The following PTPRD variants were observed in gnomAD, a reference collection of about 807,000 sequenced individuals.
PTPRD encodes receptor-type tyrosine-protein phosphatase delta.
Under a neutral mutation model 214.5 loss-of-function variants are expected in PTPRD, and 34 were observed. The ratio of observed to expected loss-of-function variants is 0.16; its 90% CI spans 0.12 to 0.21. PTPRD has a LOEUF of 0.21. Ranked by LOEUF, PTPRD falls within the 10% of genes least tolerant of loss-of-function variation. The pLI is 1.00. For synonymous variants in PTPRD, 1,128 were observed against 845.7 expected, an observed-to-expected ratio of 1.33 and a Z score of -5.79; for missense variants, 2,545 against 2,398.7, an observed-to-expected ratio of 1.06 and a Z score of -1.27.
intron 8 of PTPRD, among the ~76,000 whole-genome samples, chr9:9,526,583 A>T (rs2074175483): frequency 6.6e-6 from 1 of 152,216 alleles, no homozygotes; most frequent in African/African-American, 2.4e-5. Flanking sequence ...GTTATCAGAA[A>T]TGTGTAAGCA....
intron 10 of PTPRD, among the ~76,000 whole-genome samples, chr9:9,119,085 T>A (rs76162289): frequency 0.031 from 4,768 of 152,226 alleles, 131 homozygotes; most frequent in East Asian, 0.071. Flanking sequence ...TTCAGCAACA[T>A]GAAAAATATG....
intron 14 of PTPRD, among the ~76,000 whole-genome samples, chr9:8,533,971 G>C (rs2076317233): frequency 6.6e-6 from 1 of 151,950 alleles, no homozygotes; most frequent in East Asian, 1.9e-4. Context: ...AGTCTATTAA[G>C]AGGCAAAGCT....
At chr9:8,785,721 C>T (rs997290941) in intron 11 of PTPRD, among the ~76,000 whole-genome samples, 1 of 152,156 alleles carries the variant, frequency 6.6e-6, no homozygotes, top group Admixed American at 6.5e-5. Context: ...TTATGCTGGC[C>T]ATTGAGTAAA....
chr9:8,968,307 C>G (rs1440480834), intron 11 of PTPRD, among the ~76,000 whole-genome samples: 1 of 152,052 alleles, frequency 6.6e-6, no homozygotes, highest in Non-Finnish European at 1.5e-5. Flanking sequence ...ATTTCTAGTT[C>G]TAGGTCCTTA....
chr9:8,964,641 T>C (rs940342334), intron 11 of PTPRD, among the ~76,000 whole-genome samples: 7 of 152,072 alleles, frequency 4.6e-5, no homozygotes, highest in African/African-American at 1.4e-4. Flanking sequence ...CCAGATATGA[T>C]GCTGAATCAT....
chr9:10,479,652 A>AATAATAAATAAATACATAAATAC (rs1555402828), intron 2 of PTPRD, among the ~76,000 whole-genome samples: 5 of 124,096 alleles, frequency 4.0e-5, no homozygotes, highest in African/African-American at 1.6e-4. Flanking sequence ...TAAATAAATA[A>AATAATAAATAAATACATAAATAC]ATAAATAAAC....
intron 5 of PTPRD, among the ~76,000 whole-genome samples, chr9:9,931,705 C>T (rs567367956): frequency 1.1e-4 from 16 of 151,612 alleles, no homozygotes; most frequent in African/African-American, 2.9e-4. Context: ...CTGGGAAGCT[C>T]GAACTGGGTG....
Position 8,485,857 on chromosome 9 carries a change from T to C in PTPRD, c.2960A>G (p.Asp987Gly), listed in dbSNP as rs977816283. The C allele has an allele frequency of 6.2e-7, 1 of 1,614,180 alleles. No individual in the cohort carries two copies. Among genetic ancestry groups the C allele is most frequent in the Non-Finnish European group, 8.5e-7 (1 of 1,180,020 alleles). ...TTMTLTGLKP[D>G]TTYDVKVRAH... The stretch of plus-strand genomic sequence containing the variant: ...ACGTACTTTTACATCGTATGTGGTA[T>C]CTGGTTTTAAGCCAGTGAGTGTCAT... The change falls in exon 28 of 46, where the codon GAT becomes GGT. Residue 987 changes from aspartate to glycine, a missense_variant. Asp to Gly is a moderately conservative substitution (Grantham distance 94). Coordinates refer to ENST00000381196, the MANE Select transcript of PTPRD (RefSeq NM_002839.4).
rs766532330 is a variant in PTPRD, at chr9:8,716,523, A to G, written c.64+17257T>C. Among the ~76,000 whole-genome samples the G allele has an allele frequency of 2.7e-5, 4 of 150,128 alleles. 1 individual carries two copies. Among genetic ancestry groups the G allele is most frequent in the Admixed American group, 2.0e-4 (3 of 15,202 alleles). The stretch of plus-strand genomic sequence containing the variant: ...GGTATTGAGAAATTTTATTCATTTC[A>G]GTTCTACAAATTTCTAGAGGCCCTA... On this transcript the variant is annotated intron_variant, in intron 12 of 45. Transcript: ENST00000381196.
intron 5 of PTPRD, among the ~76,000 whole-genome samples, chr9:9,834,207 C>T (rs1330656266): frequency 1.3e-5 from 2 of 152,076 alleles, no homozygotes; most frequent in Non-Finnish European, 2.9e-5. Flanking sequence ...CAGCCGGTCC[C>T]TCTGTTTGGG....
At chr9:9,207,427 C>T (rs887759567) in intron 9 of PTPRD, among the ~76,000 whole-genome samples, 2 of 151,608 alleles carry the variant, frequency 1.3e-5, no homozygotes, top group African/African-American at 4.8e-5. Context: ...GAAAAAAAAT[C>T]AATCATACAA....
intron 10 of PTPRD, among the ~76,000 whole-genome samples, chr9:9,068,772 T>C (rs551264925): frequency 4.5e-4 from 69 of 152,100 alleles, no homozygotes; most frequent in Non-Finnish European, 1.6e-4. Flanking sequence ...TCACCATACC[T>C]AGCTAATTTT....
At chr9:9,011,722 A>T (rs1290596576) in intron 11 of PTPRD, among the ~76,000 whole-genome samples, 7 of 152,162 alleles carry the variant, frequency 4.6e-5, no homozygotes, top group African/African-American at 1.4e-4. Context: ...CATTTTCCTT[A>T]GTGAGAACAA....
intron 12 of PTPRD, among the ~76,000 whole-genome samples, chr9:8,686,803 G>A (rs987504806): frequency 4.6e-5 from 7 of 152,146 alleles, no homozygotes; most frequent in South Asian, 2.1e-4. Context: ...AAGTTTTGAC[G>A]CATTTAAAGC....
At chr9:8,865,167 T>A (rs1322192230) in intron 11 of PTPRD, among the ~76,000 whole-genome samples, 2 of 150,748 alleles carry the variant, frequency 1.3e-5, no homozygotes, top group East Asian at 3.9e-4. Flanking sequence ...TTAATCATAA[T>A]ACAAACCATC....
At chr9:10,577,510 A>G (rs2069846486) in intron 2 of PTPRD, among the ~76,000 whole-genome samples, 1 of 152,174 alleles carries the variant, frequency 6.6e-6, no homozygotes, top group Non-Finnish European at 1.5e-5. Context: ...TCTCCTGTTG[A>G]GCCTCCAAAA....
intron 39 of PTPRD, among the ~76,000 whole-genome samples, chr9:8,370,947 C>T (rs1033844016): frequency 2.6e-5 from 4 of 152,004 alleles, no homozygotes; most frequent in African/African-American, 9.7e-5. Context: ...TAAATTACCA[C>T]GGGAAGCGAA....
intron 8 of PTPRD, among the ~76,000 whole-genome samples, chr9:9,489,625 T>TA (rs1569568751): frequency 1.3e-5 from 2 of 152,008 alleles, no homozygotes; most frequent in South Asian, 2.1e-4. Context: ...ATGAAAATTT[T>TA]AAAAAAAGGA....
intron 2 of PTPRD, among the ~76,000 whole-genome samples, chr9:10,472,206 T>C (rs750222857): frequency 1.2e-4 from 19 of 152,134 alleles, no homozygotes; most frequent in South Asian, 2.1e-4. Flanking sequence ...GCAAAAGAAG[T>C]ATAAAAGCAA....
Sources: allele counts gnomAD v4.1 joint callset (sites outside exome capture counted in the v4.1 genomes callset), GRCh38; gene constraint gnomAD v4.1.1; transcripts MANE v1.5; gene names NCBI Gene and HGNC (gene_info 2026-07-23, HGNC 2026-07-21).